The following DISP1 variants were observed in gnomAD, a reference collection of about 807,000 sequenced individuals.
DISP1 encodes the protein protein dispatched homolog 1.
In DISP1, 30 loss-of-function variants were observed where a neutral mutation model predicts 37.3. The ratio of observed to expected loss-of-function variants is 0.80; its 90% CI spans 0.60 to 1.09. The LOEUF (loss-of-function observed/expected upper bound fraction) is 1.09, where lower values mean the gene tolerates loss of function less well. Among genes scored for constraint, DISP1 ranks in the 50% least tolerant of loss-of-function variants. The pLI is 0.00. For synonymous variants in DISP1, 634 were observed against 690.2 expected, an observed-to-expected ratio of 0.92 and a Z score of 1.28; for missense variants, 1,598 against 1,879.5, an observed-to-expected ratio of 0.85 and a Z score of 2.77.
chr1:222,979,455 T>C (rs1677669747), intron 3 of DISP1, among the ~76,000 whole-genome samples: 2 of 152,058 alleles, frequency 1.3e-5, no homozygotes, highest in African/African-American at 4.8e-5. Flanking sequence ...TAATTTATAG[T>C]TGTAGTGATG....
At chr1:222,936,929 TG>T (rs1474180791) in intron 2 of DISP1, among the ~76,000 whole-genome samples, 1 of 68,470 alleles carries the variant, frequency 1.5e-5, no homozygotes, top group Non-Finnish European at 2.9e-5. Context: ...TTATATAATA[TG>T]TAATATATAT....
chr1:222,991,866 T>G, intron 6 of DISP1, 147 bp from the exon 7 acceptor site: 1 of 821,750 alleles, frequency 1.2e-6, no homozygotes, highest in Non-Finnish European at 2.0e-6. Context: ...AGTGAGAAAA[T>G]TAATGTTGGT....
At chr1:222,872,591 G>A (rs1174175129) in intron 1 of DISP1, among the ~76,000 whole-genome samples, 1 of 152,110 alleles carries the variant, frequency 6.6e-6, no homozygotes, top group Admixed American at 6.5e-5. Flanking sequence ...TGTGATGGTA[G>A]TTTGTATTTC....
rs11441357 is a variant in DISP1, at chr1:222,856,706, G to GTTTT, written c.-159+41641_-159+41644dup. Among the ~76,000 whole-genome samples the GTTTT allele has an allele frequency of 3.9e-4, 51 of 132,024 alleles. 1 individual carries two copies. Among genetic ancestry groups the GTTTT allele is most frequent in the Non-Finnish European group, 4.9e-4 (31 of 62,672 alleles). The allele number at this position is 132,024 out of a possible 152,430, so 86.6% of individuals were successfully genotyped here. ...TATGTTTTTATGTTTATTATAATTC[G>GTTTT]TTTTTTTTTTTTTTTTGAGATGGAG... On this transcript the variant is annotated intron_variant, in intron 1 of 8. Coordinates refer to ENST00000675850, the MANE Select transcript of DISP1 (RefSeq NM_001377229.1).
intron 3 of DISP1, chr1:222,945,842 A>G (rs1674730474): frequency 6.6e-6 from 1 of 152,210 alleles, no homozygotes; most frequent in Non-Finnish European, 1.5e-5. Context: ...TGCCTTCTGG[A>G]AAAATAGTAT....
chr1:222,860,816 T>A (rs1668839253), intron 1 of DISP1, among the ~76,000 whole-genome samples: 1 of 151,880 alleles, frequency 6.6e-6, no homozygotes, highest in South Asian at 2.1e-4. Flanking sequence ...GAGATTGCAG[T>A]GAGCCAAGAT....
intron 1 of DISP1, among the ~76,000 whole-genome samples, chr1:222,917,861 G>A (rs1002047648): frequency 6.6e-6 from 1 of 152,080 alleles, no homozygotes; most frequent in Non-Finnish European, 1.5e-5. Flanking sequence ...TACAATGTTG[G>A]TTCAAGCAAT....
chr1:222,858,062 C>G (rs1041621745), intron 1 of DISP1, among the ~76,000 whole-genome samples: 2 of 152,128 alleles, frequency 1.3e-5, no homozygotes, highest in African/African-American at 4.8e-5. Context: ...GTAACCAAAA[C>G]AGCATGGCAC....
intron 1 of DISP1, among the ~76,000 whole-genome samples, chr1:222,869,375 A>G (rs1669388231): frequency 6.6e-6 from 1 of 152,226 alleles, no homozygotes; most frequent in African/African-American, 2.4e-5. Flanking sequence ...GAAAAATACC[A>G]GTAACAATTT....
At chr1:222,962,979 A>G (rs964033243) in intron 3 of DISP1, among the ~76,000 whole-genome samples, 2 of 152,238 alleles carry the variant, frequency 1.3e-5, no homozygotes, top group Admixed American at 6.5e-5. Context: ...AACTATCACC[A>G]GAGTGAACAG....
intron 1 of DISP1, among the ~76,000 whole-genome samples, chr1:222,830,007 G>A (rs887601993): frequency 7.2e-5 from 11 of 152,118 alleles, no homozygotes; most frequent in Non-Finnish European, 1.3e-4. Flanking sequence ...TAGAAAAGAT[G>A]AGGATTTGAA....
At chr1:222,959,370 T>C (rs987833731) in intron 3 of DISP1, among the ~76,000 whole-genome samples, 3 of 152,174 alleles carry the variant, frequency 2.0e-5, no homozygotes, top group African/African-American at 4.8e-5. Flanking sequence ...GCTATTACTG[T>C]CATTTTCATT....
intron 1 of DISP1, among the ~76,000 whole-genome samples, chr1:222,860,624 C>T (rs1342239299): frequency 6.6e-6 from 1 of 152,014 alleles, no homozygotes; most frequent in African/African-American, 2.4e-5. Flanking sequence ...CGGTCGCTCA[C>T]GCCTGTAATC....
intron 1 of DISP1, among the ~76,000 whole-genome samples, chr1:222,834,843 TC>T (rs1666645638): frequency 6.6e-6 from 1 of 152,204 alleles, no homozygotes; most frequent in African/African-American, 2.4e-5. Context: ...TCTGTTTTTT[TC>T]CCATGCTTAA....
intron 8 of DISP1, among the ~76,000 whole-genome samples, chr1:223,000,178 C>T (rs1679335658): frequency 6.6e-6 from 1 of 152,286 alleles, no homozygotes; most frequent in East Asian, 1.9e-4. Flanking sequence ...AATGGATTTT[C>T]ATAATGGATA....
chr1:222,859,225 A>G (rs1307999990), intron 1 of DISP1, among the ~76,000 whole-genome samples: 3 of 152,186 alleles, frequency 2.0e-5, no homozygotes, highest in African/African-American at 4.8e-5. Flanking sequence ...GCAAACTAAC[A>G]CAGGAATAGA....
Position 223,005,630 on chromosome 1 carries a change from T to C in DISP1, c.4233T>C (p.Asn1411=). Residue 1411 remains asparagine (N), a synonymous_variant, in exon 9 of 9, where the codon AAT becomes AAC. Transcript: ENST00000675850. ...SLLKTCCDPE[N]KQRELCKNRD... ...TCAAAACGTGTTGCGACCCCGAGAA[T>C]AAACAAAGGGAACTCTGTAAAAATA... is the stretch of plus-strand genomic sequence containing the variant. 6.2e-7 allele frequency: 1 copy of C among 1,613,964 alleles called. No homozygotes were observed. Among genetic ancestry groups the C allele is most frequent in the Non-Finnish European group, 8.5e-7 (1 of 1,179,994 alleles).
intron 1 of DISP1, among the ~76,000 whole-genome samples, chr1:222,879,211 C>A (rs920365916): frequency 3.3e-5 from 5 of 152,136 alleles, no homozygotes; most frequent in Non-Finnish European, 7.4e-5. Flanking sequence ...AAGTGACAGT[C>A]CATTCTCTGG....
At chr1:222,867,055 G>A (rs531873714) in intron 1 of DISP1, among the ~76,000 whole-genome samples, 4 of 152,240 alleles carry the variant, frequency 2.6e-5, no homozygotes, top group African/African-American at 9.6e-5. Flanking sequence ...CTAGTACAAA[G>A]CATCTATTAT....
Sources: allele counts gnomAD v4.1 joint callset (sites outside exome capture counted in the v4.1 genomes callset), GRCh38; gene constraint gnomAD v4.1.1; transcripts MANE v1.5; gene names NCBI Gene and HGNC (gene_info 2026-07-23, HGNC 2026-07-21).